The following NECAB2 variants were observed in gnomAD, a reference collection of about 807,000 sequenced individuals.
The protein encoded by NECAB2 is N-terminal EF-hand calcium binding protein 2, also known as N-terminal EF-hand calcium-binding protein 2.
A neutral mutation model predicts 51.9 loss-of-function variants in NECAB2; 68 were observed. The observed-to-expected ratio is 1.31, with a 90% confidence interval of 1.08 to 1.60. The LOEUF is 1.60. Among genes scored for constraint, NECAB2 ranks in the 40% most tolerant of loss-of-function variants. The pLI is 0.00. For synonymous variants in NECAB2, 329 were observed against 203.5 expected (o/e 1.62, Z -5.25); for missense variants, 854 against 490.3 (o/e 1.74, Z -7.00).
At chr16:83,996,095 C>G (rs928081306) in intron 8 of NECAB2, among the ~76,000 whole-genome samples, 1 of 152,340 alleles carries the variant, frequency 6.6e-6, no homozygotes, top group African/African-American at 2.4e-5. Flanking sequence ...CCGCCCTTCA[C>G]CGGCCAACCG....
chr16:83,977,793 GTTTGCCACATAGAT>G (rs2084432526), intron 2 of NECAB2, among the ~76,000 whole-genome samples: 1 of 152,224 alleles, frequency 6.6e-6, no homozygotes, highest in Non-Finnish European at 1.5e-5. Context: ...AGGACCTGAA[GTTTGCCACATAGAT>G]GGGGCGGAGA....
chr16:83,998,779 G>T (rs184878212), intron 10 of NECAB2, among the ~76,000 whole-genome samples: 1 of 145,578 alleles, frequency 6.9e-6, no homozygotes, highest in South Asian at 2.1e-4. Context: ...GAAGGGAAAT[G>T]CCCAAGTCAT....
intron 6 of NECAB2, chr16:83,993,744 G>C (rs11862563): frequency 0.12 from 20,050 of 160,754 alleles, 2,433 homozygotes; most frequent in African/African-American, 0.33. Flanking sequence ...GCACAGGAGA[G>C]GGGTGTCCAG....
intron 10 of NECAB2, among the ~76,000 whole-genome samples, chr16:83,999,565 C>CTGTA (rs575371334): frequency 6.6e-6 from 1 of 152,168 alleles, no homozygotes; most frequent in South Asian, 2.1e-4. Context: ...AGGCTGAGCA[C>CTGTA]TGTAGCCCCT....
rs1462960643 is a variant in NECAB2 at position 84,002,018 on chromosome 16, T to G, written c.1132+102T>G. 4 of 1,328,502 alleles carry G rather than the reference T, an allele frequency of 3.0e-6. No homozygotes were observed. The Admixed American group carries it at 5.9e-5, about 20-fold the overall frequency. 82.3% of individuals were successfully genotyped at this position (1,328,502 alleles called of 1,614,324 possible). A position where few individuals can be genotyped will look rare whatever the true frequency, so the allele number is the denominator to read the frequency against. On this transcript the variant is annotated intron_variant, in intron 12 of 12. Transcript: ENST00000305202. ...CTCCCGGGGACTTGCCTGCTTGCTG[T>G]GGGCCCACTGTCAGCTCCTGCCACC...
intron 1 of NECAB2, among the ~76,000 whole-genome samples, chr16:83,971,130 G>T (rs574882502): frequency 6.6e-6 from 1 of 151,764 alleles, no homozygotes; most frequent in South Asian, 2.1e-4. Flanking sequence ...ATCAGTCCCC[G>T]TGGGAACTGG....
chr16:83,974,833 A>C (rs1040807474), intron 2 of NECAB2, among the ~76,000 whole-genome samples: 1 of 152,002 alleles, frequency 6.6e-6, no homozygotes, highest in Non-Finnish European at 1.5e-5. Flanking sequence ...ATAGGTGTCA[A>C]GGAGGTGTGG....
At chr16:83,977,861 A>C (rs1346206734) in intron 2 of NECAB2, among the ~76,000 whole-genome samples, 1 of 152,200 alleles carries the variant, frequency 6.6e-6, no homozygotes, top group Non-Finnish European at 1.5e-5. Flanking sequence ...TGAGAGAGTC[A>C]GGGCTTAGGG....
At chr16:83,990,387 A>G (rs2084606974) in intron 5 of NECAB2, 107 bp from the exon 6 acceptor site, 1 of 1,456,878 alleles carries the variant, frequency 6.9e-7, no homozygotes, top group Non-Finnish European at 9.4e-7. Flanking sequence ...TTCCCTTTGC[A>G]AAGCAAATTC....
In NECAB2 at chr16:83,994,659, G is replaced by A. The variant is rs148631295; in HGVS notation, c.766G>A (p.Ala256Thr). Residue 256 changes from alanine to threonine, a missense_variant, in exon 8 of 13, where the codon GCA (alanine) becomes ACA (threonine). Physicochemically the swap from Ala to Thr is moderately conservative, Grantham distance 58. Coordinates refer to ENST00000305202, the MANE Select transcript of NECAB2 (RefSeq NM_019065.3). ...TCTGGAAGCCCAGATCAGCCGCTTG[G>A]CAGAGCTGATTGGGAGGCTGGAGAG... ...EGLEAQISRL[A>T]ELIGRLESKA... 1.2e-3 allele frequency: 1,863 copies of A among 1,614,118 alleles called. 2 individuals are homozygous for A. The highest frequency in any genetic ancestry group is 5.9e-3 in the Middle Eastern group (36 of 6,062).
At chr16:83,992,377 T>TGCCCCCCC (rs1555548086) in intron 6 of NECAB2, among the ~76,000 whole-genome samples, 1 of 133,046 alleles carries the variant, frequency 7.5e-6, no homozygotes, top group Admixed American at 7.6e-5. Context: ...CGAGCACCCG[T>TGCCCCCCC]CCCCCCGCCC....
In NECAB2 at chr16:83,994,380, C is replaced by G. The variant is rs147022655; in HGVS notation, c.675C>G (p.His225Gln). 1.7e-4 allele frequency: 279 copies of G among 1,614,092 alleles called. 2 individuals are homozygous for G. Among genetic ancestry groups the G allele is most frequent in the Non-Finnish European group, 2.5e-5 (30 of 1,180,056 alleles). ...GSPTPASAPN[H>Q]KLMAMEQGKT... The stretch of plus-strand genomic sequence containing the variant: ...CCACTCCCGCCTCTGCCCCCAACCA[C>G]AAGCTCATGGCTATGGAACAAGGCA... The change falls in exon 7 of 13, where the codon CAC becomes CAG. Residue 225 changes from histidine (H) to glutamine (Q), a missense_variant. Transcript: ENST00000305202.
rs775513311 is a variant in NECAB2 at position 83,998,188 on chromosome 16, C to T, written c.850-17C>T. 10 of 1,604,640 alleles carry T rather than the reference C, an allele frequency of 6.2e-6. No individual in the cohort carries two copies. In the African/African-American group the frequency reaches 1.3e-4, roughly 21 times the overall value. The stretch of plus-strand genomic sequence containing the variant: ...CCTGACGTGGAGCCCCACACTGACT[C>T]CTGCTGTGCCCGGCAGCACCTGCAG... On this transcript the variant is annotated splice_polypyrimidine_tract_variant and intron_variant, in intron 9 of 12. Transcript: ENST00000305202.
chr16:83,995,708 C>G, intron 8 of NECAB2, among the ~76,000 whole-genome samples: 1 of 152,100 alleles, frequency 6.6e-6, no homozygotes, highest in East Asian at 1.9e-4. Flanking sequence ...GGTTCTCAGG[C>G]ATTCATGGGG....
At chr16:83,995,832 C>T (rs371612575) in intron 8 of NECAB2, among the ~76,000 whole-genome samples, 64 of 152,298 alleles carry the variant, frequency 4.2e-4, no homozygotes, top group African/African-American at 1.5e-3. Flanking sequence ...GTGGAGTTAC[C>T]CCCTTCCTGA....
chr16:83,982,050 G>A (rs778001136), intron 5 of NECAB2, among the ~76,000 whole-genome samples: 5 of 152,118 alleles, frequency 3.3e-5, no homozygotes, highest in South Asian at 2.1e-4. Context: ...TATGAATTAC[G>A]AAGTCCTTCA....
intron 2 of NECAB2, among the ~76,000 whole-genome samples, chr16:83,974,433 G>C (rs939516609): frequency 1.3e-5 from 2 of 152,160 alleles, no homozygotes; most frequent in Non-Finnish European, 2.9e-5. Context: ...CAAATGCCTC[G>C]GAAATGGGAG....
intron 7 of NECAB2, 40 bp downstream of exon 7, chr16:83,994,460 G>C: frequency 1.2e-6 from 2 of 1,607,082 alleles, no homozygotes; most frequent in Non-Finnish European, 1.7e-6. Context: ...TACCAGCTGG[G>C]GGTCCCGAGG....
chr16:83,969,424 C>T (rs2151082939), intron 1 of NECAB2, among the ~76,000 whole-genome samples: 1 of 152,208 alleles, frequency 6.6e-6, no homozygotes, highest in South Asian at 2.1e-4. Flanking sequence ...TTCCATTGAG[C>T]CAGAGCCATC....
Sources: allele counts gnomAD v4.1 joint callset (sites outside exome capture counted in the v4.1 genomes callset), GRCh38; gene constraint gnomAD v4.1.1; transcripts MANE v1.5; gene names NCBI Gene and HGNC (gene_info 2026-07-23, HGNC 2026-07-21).